ROR1: variants seen among roughly 807,000 people sequenced by gnomAD.
The protein encoded by ROR1 is inactive tyrosine-protein kinase transmembrane receptor ROR1.
In ROR1, 19 loss-of-function variants were observed where a neutral mutation model predicts 78.8. That is an observed-to-expected ratio of 0.24 (90% CI 0.17 to 0.35). ROR1 has a LOEUF of 0.35. Among genes scored for constraint, ROR1 ranks in the 10% least tolerant of loss-of-function variants. The pLI is 1.00. For missense variants in ROR1, 917 were observed against 1,177.8 expected, an observed-to-expected ratio of 0.78 and a Z score of 3.24; for synonymous variants, 386 against 433.6, an observed-to-expected ratio of 0.89 and a Z score of 1.36.
At chr1:64,118,629 T>G (rs1382163798) in intron 4 of ROR1, among the ~76,000 whole-genome samples, 2 of 84,822 alleles carry the variant, frequency 2.4e-5, no homozygotes, top group African/African-American at 1.1e-4. Context: ...CGAGACTCCA[T>G]CTCAAAAAAA....
intron 7 of ROR1, among the ~76,000 whole-genome samples, chr1:64,147,117 T>G (rs1052995657): frequency 2.0e-5 from 3 of 152,250 alleles, no homozygotes; most frequent in Non-Finnish European, 4.4e-5. Flanking sequence ...ATTTCCATTA[T>G]ATGATATGAC....
intron 1 of ROR1, among the ~76,000 whole-genome samples, chr1:63,856,868 T>TC (rs1645151812): frequency 6.6e-6 from 1 of 152,208 alleles, no homozygotes; most frequent in Non-Finnish European, 1.5e-5. Flanking sequence ...CTTGACTCCA[T>TC]GTGACTGTGT....
intron 4 of ROR1, among the ~76,000 whole-genome samples, chr1:64,069,507 T>G (rs1646984685): frequency 7.1e-6 from 1 of 141,090 alleles, no homozygotes; most frequent in South Asian, 2.2e-4. Flanking sequence ...ACATTTCCTC[T>G]TGGGTTAAAT....
At chr1:63,820,157 A>C (rs1272844791) in intron 1 of ROR1, among the ~76,000 whole-genome samples, 1 of 152,198 alleles carries the variant, frequency 6.6e-6, no homozygotes, top group Non-Finnish European at 1.5e-5. Context: ...TTGAAGCTCA[A>C]GTTGGCAAGA....
At chr1:64,133,023 C>T (rs1056519398) in intron 4 of ROR1, among the ~76,000 whole-genome samples, 1 of 151,744 alleles carries the variant, frequency 6.6e-6, no homozygotes, top group Non-Finnish European at 1.5e-5. Context: ...GTAAGGTGGG[C>T]GCTAAACAGA....
intron 1 of ROR1, among the ~76,000 whole-genome samples, chr1:63,886,736 C>A (rs978929862): frequency 6.6e-6 from 1 of 152,056 alleles, no homozygotes; most frequent in Non-Finnish European, 1.5e-5. Flanking sequence ...TCTTCCATAG[C>A]GGCTTTTATT....
chr1:64,116,185 A>G (rs1387034568), intron 4 of ROR1, among the ~76,000 whole-genome samples: 2 of 152,196 alleles, frequency 1.3e-5, no homozygotes, highest in Admixed American at 1.3e-4. Flanking sequence ...ATGCTCTTCT[A>G]TAGAATCCTT....
chr1:64,078,466 G>A (rs1647071105), intron 4 of ROR1, among the ~76,000 whole-genome samples: 1 of 152,180 alleles, frequency 6.6e-6, no homozygotes, highest in South Asian at 2.1e-4. Flanking sequence ...ACTGTAAGCA[G>A]AGCTAAGATG....
At chr1:64,117,999 G>A (rs1488591297) in intron 4 of ROR1, among the ~76,000 whole-genome samples, 2 of 152,206 alleles carry the variant, frequency 1.3e-5, no homozygotes, top group Non-Finnish European at 2.9e-5. Flanking sequence ...CCAGGGATTT[G>A]AGACCAGCCT....
At chr1:63,903,872 G>A (rs148375107) in intron 1 of ROR1, among the ~76,000 whole-genome samples, 2,127 of 152,074 alleles carry the variant, frequency 0.014, 59 homozygotes, top group African/African-American at 0.049. Context: ...TATAAGAAAC[G>A]AAATAATCAT....
intron 1 of ROR1, among the ~76,000 whole-genome samples, chr1:63,908,555 G>T (rs919093191): frequency 6.6e-6 from 1 of 152,060 alleles, no homozygotes; most frequent in Non-Finnish European, 1.5e-5. Flanking sequence ...ATATGTATAG[G>T]GATGTGTATT....
intron 1 of ROR1, chr1:63,843,320 G>A (rs752204223): frequency 1.5e-5 from 18 of 1,181,624 alleles, no homozygotes; most frequent in African/African-American, 9.0e-5. Flanking sequence ...GCTTCTTGAC[G>A]GCGTCCTTGG....
Position 64,074,564 on chromosome 1 carries a change from G to A in ROR1, c.482+23848G>A, listed in dbSNP as rs375976356. Reference sequence around the variant, plus strand: ...AGTTAAAATGAAGATCTGTGGACAAGAAATGAAAAGTGGGTTTTGACAAAT... The same window carrying A: ...AGTTAAAATGAAGATCTGTGGACAAAAAATGAAAAGTGGGTTTTGACAAAT... On this transcript the variant is annotated intron_variant, in intron 4 of 8. Transcript: ENST00000371079. Among the ~76,000 whole-genome samples, 8 of 152,330 alleles carry A rather than the reference G, an allele frequency of 5.3e-5. No individual in the cohort carries two copies. In the East Asian group the frequency reaches 7.7e-4, roughly 15 times the overall value.
intron 1 of ROR1, among the ~76,000 whole-genome samples, chr1:63,953,752 C>A (rs533089481): frequency 6.6e-6 from 1 of 152,068 alleles, no homozygotes; most frequent in Admixed American, 6.5e-5. Flanking sequence ...TTCATTAGGG[C>A]AAGGGTGAGG....
intron 1 of ROR1, among the ~76,000 whole-genome samples, chr1:63,792,418 A>T (rs1644732625): frequency 6.6e-6 from 1 of 152,174 alleles, no homozygotes; most frequent in Admixed American, 6.5e-5. Context: ...AAGCATCCAG[A>T]TAATACGAAG....
intron 2 of ROR1, among the ~76,000 whole-genome samples, chr1:64,032,284 T>G (rs372132379): frequency 1.4e-4 from 19 of 133,644 alleles, no homozygotes; most frequent in African/African-American, 5.2e-4. Context: ...GAGCTTGCAG[T>G]GAGCCGAGAT....
In ROR1 at chr1:63,774,358, C is replaced by A; in HGVS notation, c.-60C>A. The A allele has an allele frequency of 1.8e-6, 2 of 1,103,332 alleles. No homozygotes were observed. The highest frequency in any genetic ancestry group is 2.4e-6 in the Non-Finnish European group (2 of 839,698). 68.3% of individuals were successfully genotyped at this position (1,103,332 alleles called of 1,614,324 possible). On this transcript the variant is annotated 5_prime_UTR_variant, in exon 1 of 9. Transcript: ENST00000371079. This position sits in a 1 kb window ranked among gnomAD's most constrained non-coding sequence, Gnocchi z 5.7. ...GGCGGCCGGGAGCCCGGGAAGAGCC[C>A]GTGGATGTTCTGCGCGCGGCCTGGG...
chr1:64,175,759 T>G (rs962947563), intron 8 of ROR1, among the ~76,000 whole-genome samples: 1 of 152,248 alleles, frequency 6.6e-6, no homozygotes, highest in African/African-American at 2.4e-5. Context: ...GTGGGCATTT[T>G]GCCCTGGAAA....
chr1:64,096,606 A>G (rs1475092503), intron 4 of ROR1, among the ~76,000 whole-genome samples: 1 of 152,148 alleles, frequency 6.6e-6, no homozygotes, highest in Non-Finnish European at 1.5e-5. Context: ...TCCATGGAGT[A>G]TATTATACAT....
Sources: gnomAD v4.1 joint callset for allele counts (sites outside exome capture counted in the v4.1 genomes callset) on GRCh38, gnomAD v4.1.1 for gene constraint, Gnocchi (gnomAD v3.1) non-coding constraint, MANE v1.5 for transcripts, NCBI Gene and HGNC (gene_info 2026-07-23, HGNC 2026-07-21) for gene names.